The following STK39 variants were observed in gnomAD, a reference collection of about 807,000 sequenced individuals.
STK39 encodes the protein serine/threonine kinase 39.
In STK39, 20 loss-of-function variants were observed where a neutral mutation model predicts 77.8. The ratio of observed to expected loss-of-function variants is 0.26; its 90% CI spans 0.18 to 0.37. The LOEUF is 0.37. Among genes scored for constraint, STK39 ranks in the 10% least tolerant of loss-of-function variants. The pLI, the probability that STK39 is intolerant of heterozygous loss-of-function variation, is 1.00. For synonymous variants in STK39, 246 were observed against 234.1 expected, an observed-to-expected ratio of 1.05 and a Z score of -0.47; for missense variants, 479 against 656.5, an observed-to-expected ratio of 0.73 and a Z score of 2.95.
chr2:168,247,185 G>A (rs1403477797), intron 1 of STK39, 43 bp downstream of exon 1: 5 of 1,130,204 alleles, frequency 4.4e-6, no homozygotes, highest in Non-Finnish European at 5.4e-6. Flanking sequence ...GCCCGGCCTC[G>A]GCGCCCGGCC....
chr2:168,106,781 C>T (rs763405367), intron 10 of STK39, among the ~76,000 whole-genome samples: 1 of 152,094 alleles, frequency 6.6e-6, no homozygotes, highest in Non-Finnish European at 1.5e-5. Context: ...ATGTTCACAC[C>T]ACTGCACTCC....
intron 1 of STK39, among the ~76,000 whole-genome samples, chr2:168,243,420 A>C (rs1690821364): frequency 6.6e-6 from 1 of 152,220 alleles, no homozygotes; most frequent in Non-Finnish European, 1.5e-5. Context: ...CTGTCAAACC[A>C]TGTCCAGGAT....
At chr2:168,008,544 G>A (rs1257008926) in intron 16 of STK39, among the ~76,000 whole-genome samples, 1 of 152,132 alleles carries the variant, frequency 6.6e-6, no homozygotes, top group African/African-American at 2.4e-5. Context: ...ACGCTAAAAG[G>A]GGAGCTGAAT....
At chr2:168,162,550 A>C (rs1381219049) in intron 4 of STK39, among the ~76,000 whole-genome samples, 1 of 151,998 alleles carries the variant, frequency 6.6e-6, no homozygotes, top group Non-Finnish European at 1.5e-5. Context: ...TTGGGATGCA[A>C]TTCCAACTTA....
chr2:168,224,939 A>G (rs1690267269), intron 1 of STK39, among the ~76,000 whole-genome samples: 1 of 152,218 alleles, frequency 6.6e-6, no homozygotes, highest in Middle Eastern at 3.2e-3. Flanking sequence ...TCTGAAACTA[A>G]GACAGCACTT....
At chr2:168,026,685 A>G (rs1351092730) in intron 14 of STK39, among the ~76,000 whole-genome samples, 2 of 152,108 alleles carry the variant, frequency 1.3e-5, no homozygotes, top group African/African-American at 4.8e-5. Flanking sequence ...CCCCAGTTAT[A>G]CCCCTGCACT....
chr2:167,980,886 CTTCT>C (rs1190057982), intron 16 of STK39, among the ~76,000 whole-genome samples: 2 of 149,056 alleles, frequency 1.3e-5, no homozygotes, highest in African/African-American at 5.0e-5. Flanking sequence ...ATTTCTTCTT[CTTCT>C]TTTTTTTAAT....
At chr2:168,196,088 A>G (rs752232387) in intron 1 of STK39, among the ~76,000 whole-genome samples, 22 of 152,212 alleles carry the variant, frequency 1.4e-4, no homozygotes, top group Non-Finnish European at 2.5e-4. Flanking sequence ...AACACATATG[A>G]TCTACTGATT....
intron 1 of STK39, among the ~76,000 whole-genome samples, chr2:168,196,722 T>C (rs1689477966): frequency 6.6e-6 from 1 of 152,192 alleles, no homozygotes; most frequent in South Asian, 2.1e-4. Flanking sequence ...GGGACAATAC[T>C]TGAGCTATGG....
chr2:167,978,462 A>C (rs1476781799), intron 16 of STK39, among the ~76,000 whole-genome samples: 3 of 152,098 alleles, frequency 2.0e-5, no homozygotes, highest in African/African-American at 7.2e-5. Context: ...ATTTCCTCAT[A>C]ATTTTTGCAA....
Position 168,063,524 on chromosome 2 carries a change from G to A in STK39, c.1352C>T (p.Ala451Val), listed in dbSNP as rs750801957. 1.0e-4 allele frequency: 167 copies of A among 1,612,922 alleles called. 2 individuals carry two copies. The South Asian group carries it at 1.8e-3, about 17-fold the overall frequency. ...CCTTAATCTCAAAACGAGGTTCACG[G>A]CACAAGAAGAAGCTTCTCTGTAGTC... Reference protein sequence around the residue: ...NEDYREASSCAVNLVLRLRNS... With the variant: ...NEDYREASSCVVNLVLRLRNS... Residue 451 changes from alanine to valine, a missense_variant, in exon 14 of 18, where the codon GCC becomes GTC. Coordinates refer to ENST00000355999, the MANE Select transcript of STK39 (RefSeq NM_013233.3).
Position 168,211,137 on chromosome 2 carries a change from C to CA in STK39, c.209-29048dup, listed in dbSNP as rs201058633. On this transcript the variant is annotated intron_variant, in intron 1 of 17. Transcript: ENST00000355999. ...ATCTTGCACCCTCAATATTCTAGGG[C>CA]AAAAAAAATTATTAATTAGCTATAA... Among the ~76,000 whole-genome samples, 321 of 151,764 alleles carry CA rather than the reference C, an allele frequency of 2.1e-3. 8 individuals carry two copies. In the East Asian group the frequency reaches 0.058, roughly 27 times the overall value.
intron 16 of STK39, among the ~76,000 whole-genome samples, chr2:167,981,350 G>A (rs757768889): frequency 6.6e-6 from 1 of 152,216 alleles, no homozygotes; most frequent in Non-Finnish European, 1.5e-5. Context: ...CACTGTAAGT[G>A]GCACTGCTTT....
chr2:168,127,437 C>T (rs146953640), intron 10 of STK39, among the ~76,000 whole-genome samples: 1 of 152,292 alleles, frequency 6.6e-6, no homozygotes, highest in East Asian at 1.9e-4. Context: ...GTGTGAGCCA[C>T]CACACCCGGC....
At chr2:168,130,756 A>G (rs1687674465) in intron 8 of STK39, among the ~76,000 whole-genome samples, 1 of 152,234 alleles carries the variant, frequency 6.6e-6, no homozygotes, top group Admixed American at 6.5e-5. Flanking sequence ...ACTGACTGAC[A>G]TTCTTACACA....
At chr2:168,134,647 A>G (rs1219442881) in intron 8 of STK39, among the ~76,000 whole-genome samples, 1 of 152,188 alleles carries the variant, frequency 6.6e-6, no homozygotes, top group Non-Finnish European at 1.5e-5. Context: ...CTCTCTGTCT[A>G]CGTCAATGCA....
chr2:168,065,428 A>T, intron 12 of STK39, 47 bp from the exon 13 acceptor site: 1 of 1,586,516 alleles, frequency 6.3e-7, no homozygotes, highest in South Asian at 1.1e-5. Flanking sequence ...CCAAAGGGAG[A>T]CACGGTGAGT....
At chr2:168,140,025 A>G (rs1261993266) in intron 7 of STK39, among the ~76,000 whole-genome samples, 1 of 152,206 alleles carries the variant, frequency 6.6e-6, no homozygotes, top group Non-Finnish European at 1.5e-5. Context: ...CATTTGTCAT[A>G]GCTATCAACC....
chr2:168,145,331 G>C (rs934907892), intron 5 of STK39, among the ~76,000 whole-genome samples: 1 of 152,104 alleles, frequency 6.6e-6, no homozygotes, highest in African/African-American at 2.4e-5. Context: ...CAGTGACAAG[G>C]GCCCTTGATG....
Sources: gnomAD v4.1 joint callset for allele counts (sites outside exome capture counted in the v4.1 genomes callset) on GRCh38, gnomAD v4.1.1 for gene constraint, MANE v1.5 for transcripts, NCBI Gene and HGNC (gene_info 2026-07-23, HGNC 2026-07-21) for gene names.